Variants in LRRC8B observed in about 807,000 individuals in gnomAD.
The protein encoded by LRRC8B is leucine rich repeat containing 8 VRAC subunit B.
Under a neutral mutation model 58.8 loss-of-function variants are expected in LRRC8B, and 23 were observed. The observed-to-expected ratio is 0.39, with a 90% confidence interval of 0.28 to 0.55. The LOEUF is 0.55. Ranked by LOEUF, LRRC8B falls within the 20% of genes least tolerant of loss-of-function variation. The probability of loss-of-function intolerance (pLI) is 0.62; values close to 1 mark genes in which losing one functional copy is unlikely to be tolerated. For missense variants in LRRC8B, 694 were observed against 936.0 expected, an observed-to-expected ratio of 0.74 and a Z score of 3.37; for synonymous variants, 359 against 374.1, an observed-to-expected ratio of 0.96 and a Z score of 0.47.
chr1:89,569,437 G>C (rs2101003061), intron 3 of LRRC8B, among the ~76,000 whole-genome samples: 1 of 152,192 alleles, frequency 6.6e-6, no homozygotes, highest in African/African-American at 2.4e-5. Context: ...GTGTACAATA[G>C]GAAAACTTTC....
At chr1:89,580,405 A>G (rs1314689107) in intron 4 of LRRC8B, among the ~76,000 whole-genome samples, 2 of 152,196 alleles carry the variant, frequency 1.3e-5, no homozygotes, top group Non-Finnish European at 2.9e-5. Context: ...TTTCAGCGTA[A>G]CAGCTGTCTC....
At chr1:89,559,629 T>TATACAC (rs1163883237) in intron 1 of LRRC8B, among the ~76,000 whole-genome samples, 12 of 137,560 alleles carry the variant, frequency 8.7e-5, no homozygotes, top group South Asian at 7.2e-4. Context: ...TATATATATA[T>TATACAC]ACACACACAC....
intron 1 of LRRC8B, among the ~76,000 whole-genome samples, chr1:89,525,484 C>T (rs775386594): frequency 1.3e-5 from 2 of 152,230 alleles, no homozygotes; most frequent in Non-Finnish European, 2.9e-5. Flanking sequence ...TGCGCTGGCG[C>T]TGTTGGGAAC....
At position 89,583,526 on chromosome 1, in the gene LRRC8B, T is replaced by C. The variant is rs780887231; in HGVS notation, c.876T>C (p.Asp292=). The part of the protein sequence containing the change: ...HITLEIDCSV[D]VQAFTGYKRY... The stretch of plus-strand genomic sequence containing the variant: ...CTCTTGAAATCGACTGTTCAGTTGA[T>C]GTGCAGGCTTTTACAGGATATAAGC... The change falls in exon 5 of 6, where the codon GAT becomes GAC. Residue 292 remains aspartate (D), a synonymous_variant. Transcript: ENST00000330947. This position sits in a 1 kb window ranked among gnomAD's most constrained non-coding sequence, Gnocchi z 5.2. 1 of 1,613,148 alleles carries C rather than the reference T, an allele frequency of 6.2e-7. No individual in the cohort carries two copies.
At chr1:89,540,630 C>T (rs1650892619) in intron 1 of LRRC8B, among the ~76,000 whole-genome samples, 1 of 152,158 alleles carries the variant, frequency 6.6e-6, no homozygotes, top group Admixed American at 6.6e-5. Flanking sequence ...CTTGGAGATA[C>T]ATTTATATCT....
intron 1 of LRRC8B, among the ~76,000 whole-genome samples, chr1:89,529,637 T>G (rs1649965042): frequency 6.6e-6 from 1 of 152,210 alleles, no homozygotes; most frequent in Admixed American, 6.5e-5. Context: ...TTTTCAAAAA[T>G]CAGTACTTAT....
intron 3 of LRRC8B, among the ~76,000 whole-genome samples, chr1:89,575,311 T>G (rs1384035416): frequency 6.6e-6 from 1 of 152,192 alleles, no homozygotes; most frequent in African/African-American, 2.4e-5. Flanking sequence ...TTAAAAGAGC[T>G]GTAGCTTTCA....
intron 1 of LRRC8B, among the ~76,000 whole-genome samples, chr1:89,527,290 A>G (rs1330947585): frequency 3.9e-5 from 6 of 152,088 alleles, no homozygotes; most frequent in Non-Finnish European, 7.4e-5. Flanking sequence ...CCGGATTTTC[A>G]TTTGGTGTCT....
At chr1:89,556,988 C>T (rs893044570) in intron 1 of LRRC8B, among the ~76,000 whole-genome samples, 6 of 152,204 alleles carry the variant, frequency 3.9e-5, no homozygotes, top group African/African-American at 1.4e-4. Flanking sequence ...TAGGCGTGTG[C>T]ACTCCATTGG....
chr1:89,562,351 A>G (rs1652735172), intron 1 of LRRC8B, among the ~76,000 whole-genome samples: 1 of 152,122 alleles, frequency 6.6e-6, no homozygotes, highest in Admixed American at 6.5e-5. Context: ...TTATTAGTGA[A>G]TTTTGTAAAC....
At chr1:89,538,602 G>A (rs908748352) in intron 1 of LRRC8B, among the ~76,000 whole-genome samples, 4 of 152,140 alleles carry the variant, frequency 2.6e-5, no homozygotes, top group African/African-American at 9.7e-5. Context: ...TCAACTTTTA[G>A]TACTACAAAG....
rs12073004 is a variant in LRRC8B, at chr1:89,594,897, T to C, written c.*1854T>C. On this transcript the variant is annotated 3_prime_UTR_variant, in exon 6 of 6. Transcript: ENST00000330947. ...GGAAAACACTATAGGTAAACAGTAC[T>C]GTGTATATGGAATTGTGGTGCGTGG... 22 of 152,314 alleles carry C rather than the reference T, an allele frequency of 1.4e-4. No individual in the cohort carries two copies. The highest frequency in any genetic ancestry group is 5.2e-4 in the Admixed American group (8 of 15,300). The allele number at this position is 152,314 out of a possible 1,614,324, so 9.4% of individuals were successfully genotyped here.
chr1:89,590,041 G>C (rs998321899), intron 5 of LRRC8B, among the ~76,000 whole-genome samples: 1 of 152,078 alleles, frequency 6.6e-6, no homozygotes, highest in African/African-American at 2.4e-5. Context: ...ATTATATGTT[G>C]TAGTTTATTC....
At chr1:89,569,860 C>G (rs1209804025) in intron 3 of LRRC8B, among the ~76,000 whole-genome samples, 1 of 152,104 alleles carries the variant, frequency 6.6e-6, no homozygotes, top group African/African-American at 2.4e-5. Flanking sequence ...TCTTTCTTCT[C>G]CCACCCTCCA....
At chr1:89,539,389 T>C (rs1335518179) in intron 1 of LRRC8B, among the ~76,000 whole-genome samples, 1 of 152,208 alleles carries the variant, frequency 6.6e-6, no homozygotes, top group East Asian at 1.9e-4. Flanking sequence ...TTTACAATGC[T>C]AAAAAGAGAT....
Position 89,584,376 on chromosome 1 carries a change from G to A in LRRC8B, c.1726G>A (p.Val576Ile), listed in dbSNP as rs139233340. 1.9e-5 allele frequency: 30 copies of A among 1,613,986 alleles called. No individual in the cohort carries two copies. Among genetic ancestry groups the A allele is most frequent in the Non-Finnish European group, 1.9e-5 (23 of 1,180,038 alleles). The change falls in exon 5 of 6, where the codon GTT becomes ATT. Residue 576 changes from valine to isoleucine, a missense_variant. Val to Ile is a conservative substitution (Grantham distance 29). This residue lies in a region of LRRC8B where 53 missense variants were observed against 112.3 expected (regional missense o/e 0.47). Transcript: ENST00000330947. ...LSLDNEGSKL[V>I]VLNNLKKMVN... ...CCTTGATAATGAGGGAAGCAAACTG[G>A]TTGTGTTGAACAACTTGAAAAAGAT...
chr1:89,527,292 T>C (rs566153200), intron 1 of LRRC8B, among the ~76,000 whole-genome samples: 1 of 152,350 alleles, frequency 6.6e-6, no homozygotes, highest in South Asian at 2.1e-4. Context: ...GGATTTTCAT[T>C]TGGTGTCTCT....
intron 1 of LRRC8B, among the ~76,000 whole-genome samples, chr1:89,542,691 A>G (rs1041801869): frequency 2.6e-5 from 4 of 152,234 alleles, no homozygotes; most frequent in South Asian, 2.1e-4. Flanking sequence ...TCAGTTGCCA[A>G]TCTGTAGTGG....
At chr1:89,585,668 G>A (rs559343201) in intron 5 of LRRC8B, among the ~76,000 whole-genome samples, 9 of 152,052 alleles carry the variant, frequency 5.9e-5, no homozygotes, top group African/African-American at 1.9e-4. Flanking sequence ...AATTAGCTGC[G>A]CGTGGTGGCA....
Sources: allele counts gnomAD v4.1 joint callset (sites outside exome capture counted in the v4.1 genomes callset), GRCh38; gene constraint gnomAD v4.1.1; regional missense constraint gnomAD v4.1.1; non-coding constraint Gnocchi (gnomAD v3.1); transcripts MANE v1.5; gene names NCBI Gene and HGNC (gene_info 2026-07-23, HGNC 2026-07-21).